DDHD2: variants seen among roughly 807,000 people sequenced by gnomAD.
The protein encoded by DDHD2 is DDHD domain containing 2.
A neutral mutation model predicts 91.2 loss-of-function variants in DDHD2; 62 were observed. That is an observed-to-expected ratio of 0.68 (90% confidence interval 0.55 to 0.84). The LOEUF is 0.84. Among genes scored for constraint, DDHD2 ranks in the 40% least tolerant of loss-of-function variants. The probability of loss-of-function intolerance (pLI) is 0.00; values close to 1 mark genes in which losing one functional copy is unlikely to be tolerated. For missense variants in DDHD2, 740 were observed against 846.9 expected (o/e 0.87, Z 1.57); for synonymous variants, 271 against 293.9 (o/e 0.92, Z 0.80).
At chr8:38,264,749 A>C, downstream of DDHD2, 1 of 1,451,174 alleles carries the variant, frequency 6.9e-7, no homozygotes, top group Non-Finnish European at 9.1e-7. Context: ...TTTCTAAATA[A>C]AATCTTTTTA....
downstream of DDHD2, chr8:38,266,986 TTAAAGG>T (rs1807712992): frequency 7.8e-7 from 1 of 1,279,170 alleles, no homozygotes; most frequent in African/African-American, 1.5e-5. Context: ...AAACTCTTCG[TTAAAGG>T]TATTTTTATT....
In DDHD2 at chr8:38,252,715, T is replaced by TA. The variant is rs771243591; in HGVS notation, c.1618-6dup. On this transcript the variant is annotated splice_region_variant and splice_polypyrimidine_tract_variant and intron_variant, in intron 13 of 17. Transcript: ENST00000397166. Reference sequence around the variant, plus strand: ...AGGTAAATGTAGCTCTTGTTTTTCCTATGTAGTTTGATCCTGTGGCCTATA... The same window carrying TA: ...AGGTAAATGTAGCTCTTGTTTTTCCTAATGTAGTTTGATCCTGTGGCCTATA... The TA allele has an allele frequency of 3.7e-6, 6 of 1,607,296 alleles. No individual in the cohort carries two copies. Among genetic ancestry groups the TA allele is most frequent in the Non-Finnish European group, 5.1e-6 (6 of 1,174,204 alleles).
intron 3 of DDHD2, among the ~76,000 whole-genome samples, chr8:38,235,407 T>C (rs1804634510): frequency 6.6e-6 from 1 of 152,012 alleles, no homozygotes. Context: ...GAAATGGTTG[T>C]GGTGTTTTAA....
chr8:38,233,304 C>A, intron 2 of DDHD2, 90 bp downstream of exon 2: 1 of 1,004,638 alleles, frequency 1.0e-6, no homozygotes, highest in Non-Finnish European at 1.4e-6. Flanking sequence ...CTATGAAAAC[C>A]AAATTTTAGA....
chr8:38,246,816 G>A (rs1157614745), intron 9 of DDHD2: 1 of 155,342 alleles, frequency 6.4e-6, no homozygotes, highest in Non-Finnish European at 1.4e-5. Flanking sequence ...ACTCTAGCCT[G>A]GGTGACAGAG....
At chr8:38,252,858 C>T (rs768214865) in intron 14 of DDHD2, 34 bp downstream of exon 14, 1 of 1,609,514 alleles carries the variant, frequency 6.2e-7, no homozygotes, top group East Asian at 2.2e-5. Flanking sequence ...TAATTCTAGA[C>T]CTTTTGGCCA....
intron 11 of DDHD2, chr8:38,250,772 A>C (rs932872563): frequency 1.1e-4 from 17 of 152,136 alleles, no homozygotes; most frequent in Admixed American, 6.5e-4. Context: ...CCACTATCCA[A>C]TTTCAGCACA....
At position 38,234,514 on chromosome 8, in the gene DDHD2, C is replaced by A; in HGVS notation, c.341C>A (p.Thr114Lys). 1 of 1,613,068 alleles carries A rather than the reference C, an allele frequency of 6.2e-7. No homozygotes were observed. The change falls in exon 3 of 18, where the codon ACG becomes AAG. Residue 114 changes from threonine (T) to lysine (K), a missense_variant. This residue lies in a region of DDHD2 where 693 missense variants were observed against 764.2 expected (regional missense o/e 0.91). Coordinates refer to ENST00000397166, the MANE Select transcript of DDHD2 (RefSeq NM_015214.3). Reference sequence around the variant, plus strand: ...CTGGCATCGGAAGTGAGACGATGTACGTGGTTTTACAAGGGGGACAAAGAC... The same window carrying A: ...CTGGCATCGGAAGTGAGACGATGTAAGTGGTTTTACAAGGGGGACAAAGAC... The part of the protein sequence containing the change: ...DELASEVRRC[T>K]WFYKGDKDNK...
At chr8:38,238,066 T>G in intron 4 of DDHD2, 23 bp from the exon 5 acceptor site, 3 of 1,566,492 alleles carry the variant, frequency 1.9e-6, no homozygotes, top group Non-Finnish European at 2.6e-6. Context: ...ATATTTTTAT[T>G]GCTCTGATCT....
intron 11 of DDHD2, chr8:38,250,315 A>G (rs1806017748): frequency 2.0e-5 from 3 of 146,402 alleles, no homozygotes; most frequent in Admixed American, 1.4e-4. Flanking sequence ...CCCGGGGTGG[A>G]GTATAGTGGG....
intron 6 of DDHD2, among the ~76,000 whole-genome samples, chr8:38,241,210 A>G (rs777612810): frequency 6.6e-6 from 1 of 152,054 alleles, no homozygotes; most frequent in African/African-American, 2.4e-5. Context: ...CTGATGTGAT[A>G]TGAATTTCAA....
At chr8:38,269,276 G>C in intron 1 of DDHD2, 1 of 1,315,174 alleles carries the variant, frequency 7.6e-7, no homozygotes, top group Non-Finnish European at 9.8e-7. Flanking sequence ...ACTGGGCACC[G>C]CCCCCTCTCC....
intron 7 of DDHD2, among the ~76,000 whole-genome samples, chr8:38,244,840 A>G (rs563159640): frequency 1.3e-5 from 2 of 152,332 alleles, no homozygotes; most frequent in South Asian, 4.1e-4. Flanking sequence ...CTGGCATTAC[A>G]GGCGTGAGCC....
chr8:38,267,370 GTAGAAGAAATCTGGGCGTGGCC>G, downstream of DDHD2: 1 of 1,613,766 alleles, frequency 6.2e-7, no homozygotes, highest in South Asian at 1.1e-5. Flanking sequence ...GGAAGCAGCG[GTAGAAGAAATCTGGGCGTGGCC>G]TGGAAGAAAG....
downstream of DDHD2, chr8:38,264,547 T>C (rs1243391278): frequency 3.8e-6 from 6 of 1,577,450 alleles, no homozygotes; most frequent in Non-Finnish European, 5.2e-6. Context: ...AGGAGGATAA[T>C]ACTGCCGATA....
intron 5 of DDHD2, 200 bp downstream of exon 5, chr8:38,238,409 T>C: frequency 1.5e-6 from 2 of 1,320,050 alleles, no homozygotes; most frequent in Non-Finnish European, 1.9e-6. Context: ...AAACATATGG[T>C]AGGATGGGTA....
chr8:38,241,726 A>C (rs1375340265), intron 6 of DDHD2, among the ~76,000 whole-genome samples: 1 of 148,730 alleles, frequency 6.7e-6, no homozygotes, highest in South Asian at 2.2e-4. Flanking sequence ...GCCTGAAGTT[A>C]GCCTTCTTTT....
intron 1 of DDHD2, chr8:38,268,549 C>T: frequency 6.6e-7 from 1 of 1,519,044 alleles, no homozygotes; most frequent in Non-Finnish European, 8.8e-7. Flanking sequence ...CACAGCAGGA[C>T]TCACTGGAGC....
chr8:38,260,346 A>G (rs1806907505), intron 17 of DDHD2, 199 bp downstream of exon 17: 1 of 400,504 alleles, frequency 2.5e-6, no homozygotes, highest in Non-Finnish European at 4.5e-6. Context: ...AGATTAGTGT[A>G]TGTCTGTTTT....
Sources: allele counts gnomAD v4.1 joint callset (sites outside exome capture counted in the v4.1 genomes callset), GRCh38; gene constraint gnomAD v4.1.1; regional missense constraint gnomAD v4.1.1; transcripts MANE v1.5; gene names NCBI Gene and HGNC (gene_info 2026-07-23, HGNC 2026-07-21).